LYST: variants seen among roughly 807,000 people sequenced by gnomAD.
LYST encodes lysosomal-trafficking regulator.
Under a neutral mutation model 413.6 loss-of-function variants are expected in LYST, and 192 were observed. The observed-to-expected ratio is 0.46, with a 90% CI of 0.41 to 0.52. The LOEUF is 0.52. Ranked by LOEUF, LYST falls within the 20% of genes least tolerant of loss-of-function variation. The pLI, the probability that LYST is intolerant of heterozygous loss-of-function variation, is 0.00. For synonymous variants in LYST, 1,525 were observed against 1,567.3 expected, an observed-to-expected ratio of 0.97 and a Z score of 0.64; for missense variants, 3,815 against 4,499.9, an observed-to-expected ratio of 0.85 and a Z score of 4.35.
At chr1:235,728,593 G>A (rs1175014062) in intron 37 of LYST, among the ~76,000 whole-genome samples, 1 of 152,130 alleles carries the variant, frequency 6.6e-6, no homozygotes, top group Non-Finnish European at 1.5e-5. Context: ...GGGTAGAGTA[G>A]GCCCTAAACA....
In LYST at chr1:235,810,364, G is replaced by A. The variant is rs1300144414; in HGVS notation, c.454C>T (p.Arg152Cys). Reference sequence around the variant, plus strand: ...TTTCTTGCATCTCTTACAGAATAGCGATGGGTAATTTTACGCTGTCGTCTG... The same window carrying A: ...TTTCTTGCATCTCTTACAGAATAGCAATGGGTAATTTTACGCTGTCGTCTG... Reference protein sequence around the residue: ...KSRRQRKITHRYSVRDARKTQ... With the variant: ...KSRRQRKITHCYSVRDARKTQ... The change falls in exon 5 of 53, where the codon CGC becomes TGC. Residue 152 changes from arginine (R) to cysteine (C), a missense_variant. Arg to Cys is a radical substitution (Grantham distance 180, BLOSUM62 -3). Coordinates refer to ENST00000389793, the MANE Select transcript of LYST (RefSeq NM_000081.4). 3.1e-6 allele frequency: 5 copies of A among 1,613,954 alleles called. No homozygotes were observed. The highest frequency in any genetic ancestry group is 2.2e-5 in the South Asian group (2 of 91,040).
At chr1:235,864,303 GT>G (rs1044513503) in intron 1 of LYST, among the ~76,000 whole-genome samples, 1 of 152,014 alleles carries the variant, frequency 6.6e-6, no homozygotes, top group Non-Finnish European at 1.5e-5. Flanking sequence ...CTTTAAAAAC[GT>G]GAATGTCTAA....
intron 1 of LYST, among the ~76,000 whole-genome samples, chr1:235,845,830 C>A (rs1453735429): frequency 1.3e-5 from 2 of 152,112 alleles, no homozygotes; most frequent in East Asian, 1.9e-4. Flanking sequence ...GCAGCCCCAG[C>A]ACGACCCAAC....
intron 3 of LYST, among the ~76,000 whole-genome samples, chr1:235,823,945 T>C (rs939828650): frequency 3.3e-5 from 5 of 152,222 alleles, no homozygotes; most frequent in Non-Finnish European, 5.9e-5. Context: ...GCAGAGGTGC[T>C]GGGCCATAGT....
chr1:235,831,605 C>T (rs1675988389), intron 2 of LYST, among the ~76,000 whole-genome samples: 1 of 152,130 alleles, frequency 6.6e-6, no homozygotes, highest in African/African-American at 2.4e-5. Flanking sequence ...AGTTCCTGTT[C>T]ATCCTGGGAC....
Position 235,806,071 on chromosome 1 carries a change from T to C in LYST, c.3065A>G (p.Gln1022Arg), listed in dbSNP as rs190397981. The change falls in exon 6 of 53, where the codon CAG becomes CGG. Residue 1022 changes from glutamine (Q) to arginine (R), a missense_variant. Physicochemically the swap from Gln to Arg is conservative, Grantham distance 43. Coordinates refer to ENST00000389793, the MANE Select transcript of LYST (RefSeq NM_000081.4). ...AGGTTGAGAAATTCTGTTTAAATCC[T>C]GGTTTTCATTTACACTTGTATCTCC... is the stretch of plus-strand genomic sequence containing the variant. Reference protein sequence around the residue: ...KEGDTSVNENQDLNRISQPKR... With the variant: ...KEGDTSVNENRDLNRISQPKR... 142 of 1,613,744 alleles carry C rather than the reference T, an allele frequency of 8.8e-5. No individual in the cohort carries two copies. The highest frequency in any genetic ancestry group is 2.3e-4 in the Admixed American group (14 of 59,994).
chr1:235,809,202 C>T lies in LYST; in HGVS notation c.1616G>A (p.Gly539Glu). The stretch of plus-strand genomic sequence containing the variant: ...GCACCGCTCAGGATAATAAACATCT[C>T]CATCTGCAGTCTCTTCAAATGGGTT... Reference protein sequence around the residue: ...SKNPFEETADGDVYYPERCCC... With the variant: ...SKNPFEETADEDVYYPERCCC... The change falls in exon 5 of 53, where the codon GGA (glycine) becomes GAA (glutamate). Residue 539 changes from glycine (G) to glutamate (E), a missense_variant. This residue lies in a region of LYST where 1,648 missense variants were observed against 1,810.3 expected (regional missense o/e 0.91). Transcript: ENST00000389793. The surrounding 1 kb of genome is among the most constrained non-coding windows in gnomAD (Gnocchi z 4.0). 3.7e-6 allele frequency: 6 copies of T among 1,613,990 alleles called. No individual in the cohort carries two copies. The highest frequency in any genetic ancestry group is 5.1e-6 in the Non-Finnish European group (6 of 1,179,982).
In LYST at chr1:235,810,034, A is replaced by G. The variant is rs1301879960; in HGVS notation, c.784T>C (p.Leu262=). ...TTACAAACTTTTTCTAATAAAGATA[A>G]CAAAACATGACATAAGTCAAATGGA... ...NSPFDLCHVL[L]SLLEKVCKFD... is the part of the protein sequence containing the mutation. Residue 262 remains leucine (L), a synonymous_variant, in exon 5 of 53, where the codon TTA becomes CTA. Coordinates refer to ENST00000389793, the MANE Select transcript of LYST (RefSeq NM_000081.4). The G allele has an allele frequency of 6.2e-7, 1 of 1,614,096 alleles. No individual in the cohort carries two copies. The highest frequency in any genetic ancestry group is 2.2e-5 in the East Asian group (1 of 44,862).
intron 2 of LYST, 108 bp from the exon 3 acceptor site, chr1:235,830,532 T>C (rs560860242): frequency 3.6e-5 from 31 of 858,052 alleles, no homozygotes; most frequent in Non-Finnish European, 5.6e-5. Context: ...TGGCTTAAAA[T>C]TACTGGAAAT....
chr1:235,717,892 AT>A (rs1008942971), intron 40 of LYST, among the ~76,000 whole-genome samples: 148 of 144,310 alleles, frequency 1.0e-3, no homozygotes, highest in Admixed American at 1.2e-3. Flanking sequence ...GGCTGCCTAC[AT>A]TTTTTTTTTT....
At chr1:235,880,983 G>A (rs1242251014) in intron 1 of LYST, among the ~76,000 whole-genome samples, 2 of 152,008 alleles carry the variant, frequency 1.3e-5, no homozygotes, top group South Asian at 2.1e-4. Flanking sequence ...AAAATTAGCC[G>A]GGCGTGGTGG....
At position 235,664,411 on chromosome 1, in the gene LYST, ACTC is replaced by A; in HGVS notation, c.11195+51_11195+53del. Reference sequence around the variant, plus strand: ...TAGATATTAAAAATTAATTTCTGAAACTCCTGTGTCCTTATGAATGAAATCAAA... The same window carrying A: ...TAGATATTAAAAATTAATTTCTGAAACTGTGTCCTTATGAATGAAATCAAA... On this transcript the variant is annotated intron_variant, in intron 51 of 52. Coordinates refer to ENST00000389793, the MANE Select transcript of LYST (RefSeq NM_000081.4). This position sits in a 1 kb window ranked among gnomAD's most constrained non-coding sequence, Gnocchi z 4.5. The A allele has an allele frequency of 6.5e-7, 1 of 1,534,458 alleles. No individual in the cohort carries two copies. The highest frequency in any genetic ancestry group is 1.4e-5 in the African/African-American group (1 of 73,268).
rs202083549 is a variant in LYST at position 235,728,337 on chromosome 1, T to TA, written c.9107-207dup. Among the ~76,000 whole-genome samples, 9 of 150,908 alleles carry TA rather than the reference T, an allele frequency of 6.0e-5. No individual in the cohort carries two copies. In the South Asian group the frequency reaches 6.3e-4, roughly 11 times the overall value. On this transcript the variant is annotated intron_variant, in intron 37 of 52. Transcript: ENST00000389793. ...CCTCTTTGTGTCTTAATTTCTTTAT[T>TA]AAAAAAAAAGGTTGCAGGGAGCTCT... is the stretch of plus-strand genomic sequence containing the variant.
At position 235,809,747 on chromosome 1, in the gene LYST, A is replaced by G. The variant is rs761617429; in HGVS notation, c.1071T>C (p.Leu357=). 5.6e-6 allele frequency: 9 copies of G among 1,614,112 alleles called. No homozygotes were observed. In the South Asian group the frequency reaches 9.9e-5, roughly 18 times the overall value. ...ATATTCTAATTTTTAAAGCTGCTCT[A>G]AGCAATTCAGTTAAATTTTTCCTAA... ...ENLRKNLTEL[L]RAALKIRICL... The change falls in exon 5 of 53, where the codon CTT becomes CTC. Residue 357 remains leucine (L), a synonymous_variant. Coordinates refer to ENST00000389793, the MANE Select transcript of LYST (RefSeq NM_000081.4). The surrounding 1 kb of genome is among the most constrained non-coding windows in gnomAD (Gnocchi z 4.0).
intron 22 of LYST, among the ~76,000 whole-genome samples, chr1:235,760,164 G>A (rs773452513): frequency 5.9e-5 from 9 of 151,970 alleles, no homozygotes; most frequent in Non-Finnish European, 1.0e-4. Context: ...AGATATAATT[G>A]GATTCAAATG....
At chr1:235,742,698 A>G (rs890344368) in intron 30 of LYST, among the ~76,000 whole-genome samples, 1 of 151,972 alleles carries the variant, frequency 6.6e-6, no homozygotes, top group Non-Finnish European at 1.5e-5. Context: ...TCAAAGAACA[A>G]TGATAAATAA....
intron 30 of LYST, among the ~76,000 whole-genome samples, chr1:235,743,471 C>T (rs183740525): frequency 2.8e-4 from 43 of 152,118 alleles, no homozygotes; most frequent in African/African-American, 8.0e-4. Context: ...GTAAACTGAC[C>T]GATTTGTTCC....
At chr1:235,811,491 C>T (rs191086684) in intron 4 of LYST, among the ~76,000 whole-genome samples, 6 of 152,216 alleles carry the variant, frequency 3.9e-5, no homozygotes, top group Non-Finnish European at 5.9e-5. Context: ...CTGAACTAGG[C>T]ACCAGGTATA....
rs1664351688 is a variant in LYST at position 235,731,233 on chromosome 1, T to A, written c.8802-56A>T. The A allele has an allele frequency of 2.6e-6, 4 of 1,516,428 alleles. No individual in the cohort carries two copies. In the Admixed American group the frequency reaches 5.0e-5, roughly 19 times the overall value. 93.9% of individuals were successfully genotyped at this position (1,516,428 alleles called of 1,614,324 possible). A position where few individuals can be genotyped will look rare whatever the true frequency, so the allele number is the denominator to read the frequency against. On this transcript the variant is annotated intron_variant, in intron 34 of 52. Transcript: ENST00000389793. The stretch of plus-strand genomic sequence containing the variant: ...AGTGACCATCCAGGACTTGTAGCTA[T>A]AAAAAAAATCATTATAGAGATTGAG...
Sources: gnomAD v4.1 joint callset for allele counts (sites outside exome capture counted in the v4.1 genomes callset) on GRCh38, gnomAD v4.1.1 for gene constraint, gnomAD v4.1.1 regional missense constraint, Gnocchi (gnomAD v3.1) non-coding constraint, MANE v1.5 for transcripts, NCBI Gene and HGNC (gene_info 2026-07-23, HGNC 2026-07-21) for gene names.